TTC6: variants seen among roughly 807,000 people sequenced by gnomAD.
The protein encoded by TTC6 is tetratricopeptide repeat domain 6, also known as tetratricopeptide repeat protein 6.
A neutral mutation model predicts 210.4 loss-of-function variants in TTC6; 172 were observed. The ratio of observed to expected loss-of-function variants is 0.82; its 90% CI spans 0.72 to 0.93. The LOEUF (loss-of-function observed/expected upper bound fraction) is 0.93. TTC6 is among the 40% of genes least tolerant of loss of function. The probability of loss-of-function intolerance (pLI) is 0.00; values close to 1 mark genes in which losing one functional copy is unlikely to be tolerated. For synonymous variants in TTC6, 804 were observed against 819.6 expected (o/e 0.98, Z 0.32); for missense variants, 2,414 against 2,318.1 (o/e 1.04, Z -0.85).
chr14:37,630,924 T>G (rs1465671276), intron 1 of TTC6, among the ~76,000 whole-genome samples: 5 of 95,734 alleles, frequency 5.2e-5, no homozygotes, highest in South Asian at 3.6e-4. Flanking sequence ...TTTTTTTTTT[T>G]TTTTTTTTTT....
At chr14:37,776,793 G>A (rs1595244775) in intron 14 of TTC6, among the ~76,000 whole-genome samples, 1 of 149,030 alleles carries the variant, frequency 6.7e-6, no homozygotes, top group East Asian at 2.1e-4. Flanking sequence ...GCTGAGGCAG[G>A]AGAATCACTT....
chr14:37,709,683 C>A, intron 5 of TTC6, among the ~76,000 whole-genome samples: 1 of 108,258 alleles, frequency 9.2e-6, no homozygotes. Flanking sequence ...CCTTCCCAAT[C>A]ATGTTTTGTA....
chr14:37,746,529 GC>G (rs1566927338), intron 10 of TTC6, among the ~76,000 whole-genome samples: 1 of 152,162 alleles, frequency 6.6e-6, no homozygotes. Context: ...TTTTTAACAA[GC>G]CTTTGGGTAA....
chr14:37,831,436 T>A (rs1421600829), intron 29 of TTC6, among the ~76,000 whole-genome samples: 1 of 152,168 alleles, frequency 6.6e-6, no homozygotes, highest in East Asian at 1.9e-4. Flanking sequence ...TATGGATATA[T>A]ACCCAGCAAT....
intron 1 of TTC6, among the ~76,000 whole-genome samples, chr14:37,604,031 G>A (rs1027524301): frequency 6.6e-6 from 1 of 152,230 alleles, no homozygotes; most frequent in Non-Finnish European, 1.5e-5. Flanking sequence ...AGAGGTGCTG[G>A]ATGCTGGGAC....
At position 37,705,334 on chromosome 14, in the gene TTC6, AT is replaced by A. The variant is rs201769936; in HGVS notation, c.1571+3815del. 2.7e-3 allele frequency among the ~76,000 whole-genome samples: 413 copies of A among 152,204 alleles called. 2 individuals carry two copies. The highest frequency in any genetic ancestry group is 9.5e-3 in the African/African-American group (396 of 41,554). On this transcript the variant is annotated intron_variant, in intron 5 of 30. Transcript: ENST00000553443. The stretch of plus-strand genomic sequence containing the variant: ...TCAATGTTTAATTTCATTTTTGATT[AT>A]TTTTTTACAAAAAACAATAAAAATA...
At chr14:37,608,048 A>G (rs947029938) in intron 2 of TTC6, among the ~76,000 whole-genome samples, 3 of 152,172 alleles carry the variant, frequency 2.0e-5, no homozygotes, top group Admixed American at 6.5e-5. Context: ...TATTGGCCAC[A>G]ATAGTTCTTC....
At chr14:37,702,054 C>A (rs2095826460) in intron 5 of TTC6, among the ~76,000 whole-genome samples, 1 of 152,022 alleles carries the variant, frequency 6.6e-6, no homozygotes, top group Admixed American at 6.6e-5. Context: ...TTTATAGCAT[C>A]CTCAAAAGAA....
intron 1 of TTC6, among the ~76,000 whole-genome samples, chr14:37,655,258 T>C: frequency 6.6e-6 from 1 of 152,176 alleles, no homozygotes; most frequent in East Asian, 1.9e-4. Flanking sequence ...AATATATTTA[T>C]CTAAATAGAG....
chr14:37,600,140 C>G (rs1432183733), intron 1 of TTC6, among the ~76,000 whole-genome samples: 1 of 152,180 alleles, frequency 6.6e-6, no homozygotes, highest in African/African-American at 2.4e-5. Flanking sequence ...AAACGTGACA[C>G]CTCTTAGGTA....
At chr14:37,798,685 T>G (rs2096098330) in intron 20 of TTC6, among the ~76,000 whole-genome samples, 1 of 152,126 alleles carries the variant, frequency 6.6e-6, no homozygotes, top group African/African-American at 2.4e-5. Context: ...TTCCAAATTT[T>G]AAAGGAAGTT....
intron 2 of TTC6, among the ~76,000 whole-genome samples, chr14:37,613,423 C>T (rs528192302): frequency 1.1e-4 from 17 of 151,880 alleles, no homozygotes; most frequent in South Asian, 2.1e-4. Flanking sequence ...TGCATGTATG[C>T]GCATAAGGAA....
chr14:37,822,812 G>A (rs2096161056), intron 26 of TTC6, among the ~76,000 whole-genome samples: 1 of 152,154 alleles, frequency 6.6e-6, no homozygotes, highest in African/African-American at 2.4e-5. Context: ...TGCAAGCATA[G>A]TATGGTAGTT....
At chr14:37,642,020 C>G (rs567948049) in intron 1 of TTC6, among the ~76,000 whole-genome samples, 1 of 152,332 alleles carries the variant, frequency 6.6e-6, no homozygotes, top group East Asian at 1.9e-4. Flanking sequence ...TGGCACTTTG[C>G]TTTCTCTGTT....
chr14:37,807,155 T>C (rs1285885986), intron 22 of TTC6, among the ~76,000 whole-genome samples, 165 bp from the exon 25 acceptor site: 2 of 152,194 alleles, frequency 1.3e-5, no homozygotes, highest in African/African-American at 4.8e-5. Flanking sequence ...TCAATTATTC[T>C]GTGTCCTTTG....
chr14:37,646,329 A>AAAACCAAACC (rs144326134), intron 1 of TTC6, among the ~76,000 whole-genome samples: 5 of 151,858 alleles, frequency 3.3e-5, no homozygotes, highest in South Asian at 2.1e-4. Flanking sequence ...AAAGTATCAG[A>AAAACCAAACC]AAACCAAACC....
intron 14 of TTC6, among the ~76,000 whole-genome samples, chr14:37,778,620 G>A (rs1290046100): frequency 6.6e-6 from 1 of 152,118 alleles, no homozygotes; most frequent in Non-Finnish European, 1.5e-5. Context: ...AAGCAGAGTT[G>A]GGGAGGCCCT....
At chr14:37,812,352 T>C (rs780160467) in exon 25 of TTC6, 23 of 1,613,472 alleles carry the variant, frequency 1.4e-5, no homozygotes, top group Non-Finnish European at 1.9e-5. Context: ...TTCTTGATGC[T>C]ACAGAAACTG....
chr14:37,837,993 G>C (rs1029073373), intron 29 of TTC6, among the ~76,000 whole-genome samples: 2 of 152,180 alleles, frequency 1.3e-5, no homozygotes, highest in African/African-American at 4.8e-5. Flanking sequence ...TTAGGCTTGA[G>C]GACATCTGCA....
Sources: gnomAD v4.1 joint callset for allele counts (sites outside exome capture counted in the v4.1 genomes callset) on GRCh38, gnomAD v4.1.1 for gene constraint, MANE v1.5 for transcripts, NCBI Gene and HGNC (gene_info 2026-07-23, HGNC 2026-07-21) for gene names.